Variants in LHFPL6 observed in about 807,000 individuals in gnomAD.
LHFPL6 encodes LHFPL tetraspan subfamily member 6 protein.
LHFPL6 carries 9 observed loss-of-function variants against 20.6 expected under a neutral mutation model. That is an observed-to-expected ratio of 0.44 (90% CI 0.26 to 0.76). LHFPL6 has a LOEUF of 0.76. Ranked by LOEUF, LHFPL6 falls within the 30% of genes least tolerant of loss-of-function variation. The probability of loss-of-function intolerance (pLI) is 0.20; values close to 1 mark genes in which losing one functional copy is unlikely to be tolerated. For missense variants in LHFPL6, 218 were observed against 253.5 expected (o/e 0.86, Z 0.95); for synonymous variants, 105 against 98.7 (o/e 1.06, Z -0.38).
chr13:39,404,181 C>T (rs1871059309), intron 2 of LHFPL6, among the ~76,000 whole-genome samples: 1 of 152,138 alleles, frequency 6.6e-6, no homozygotes, highest in Admixed American at 6.5e-5. Context: ...AACCTAGTAG[C>T]CAGGTGATAA....
At chr13:39,546,545 T>C (rs891666965) in intron 2 of LHFPL6, among the ~76,000 whole-genome samples, 20 of 152,142 alleles carry the variant, frequency 1.3e-4, no homozygotes, top group African/African-American at 4.8e-4. Flanking sequence ...TCAGAAACTT[T>C]AGGATAAACC....
intron 2 of LHFPL6, among the ~76,000 whole-genome samples, chr13:39,554,431 A>G (rs1172226761): frequency 1.3e-5 from 2 of 152,214 alleles, no homozygotes; most frequent in African/African-American, 4.8e-5. Context: ...CATCCCATAA[A>G]TGCAAGTCAG....
intron 2 of LHFPL6, among the ~76,000 whole-genome samples, chr13:39,513,951 C>A (rs1869813377): frequency 6.6e-6 from 1 of 152,080 alleles, no homozygotes; most frequent in Non-Finnish European, 1.5e-5. Context: ...AATTGATGAG[C>A]CCATCCTCAG....
intron 2 of LHFPL6, among the ~76,000 whole-genome samples, chr13:39,469,758 T>C (rs17060014): frequency 0.013 from 1,976 of 152,238 alleles, 40 homozygotes; most frequent in African/African-American, 0.046. Flanking sequence ...AAAGGATAAT[T>C]AGAGTAATTT....
chr13:39,385,284 T>C lies in LHFPL6; in HGVS notation c.386-6758A>G, dbSNP rs1747069. Among the ~76,000 whole-genome samples, 1,043 of 152,346 alleles carry C rather than the reference T, an allele frequency of 6.8e-3. 11 individuals are homozygous for C. The highest frequency in any genetic ancestry group is 0.024 in the African/African-American group (1,017 of 41,578). ...TGAAAAAGTTCATTTTAATAATGCA[T>C]TGACTACTACACCATTTCCTCCTGA... On this transcript the variant is annotated intron_variant, in intron 2 of 3. Transcript: ENST00000379589.
At chr13:39,556,315 C>T (rs184356843) in intron 2 of LHFPL6, among the ~76,000 whole-genome samples, 4 of 152,020 alleles carry the variant, frequency 2.6e-5, no homozygotes, top group Admixed American at 1.3e-4. Flanking sequence ...AAGAAGAAGA[C>T]AGGAAGATGA....
At chr13:39,594,661 T>C (rs186929062) in intron 2 of LHFPL6, among the ~76,000 whole-genome samples, 17 of 152,328 alleles carry the variant, frequency 1.1e-4, no homozygotes, top group African/African-American at 4.1e-4. Flanking sequence ...TAAAGACACA[T>C]GCACACATAT....
intron 2 of LHFPL6, among the ~76,000 whole-genome samples, chr13:39,392,158 C>T (rs1005040858): frequency 1.3e-5 from 2 of 151,990 alleles, no homozygotes; most frequent in South Asian, 2.1e-4. Context: ...GATATAAAAA[C>T]GTACCTTGAA....
intron 2 of LHFPL6, among the ~76,000 whole-genome samples, chr13:39,439,472 T>A (rs1281637043): frequency 1.3e-5 from 2 of 152,114 alleles, no homozygotes; most frequent in Admixed American, 1.3e-4. Flanking sequence ...GTTGAGACTT[T>A]GGGGGACTTT....
At chr13:39,344,207 T>A (rs775201112) in intron 3 of LHFPL6, among the ~76,000 whole-genome samples, 153 bp from the exon 4 acceptor site, 10 of 152,198 alleles carry the variant, frequency 6.6e-5, no homozygotes, top group Non-Finnish European at 1.3e-4. Flanking sequence ...AAAGTTATCT[T>A]GACAGTGAAG....
At chr13:39,406,659 C>T (rs1468485384) in intron 2 of LHFPL6, among the ~76,000 whole-genome samples, 3 of 152,160 alleles carry the variant, frequency 2.0e-5, no homozygotes, top group Admixed American at 1.3e-4. Context: ...ATAAAATAGT[C>T]AATTATCCAT....
At chr13:39,432,766 A>G (rs1871850388) in intron 2 of LHFPL6, among the ~76,000 whole-genome samples, 1 of 152,204 alleles carries the variant, frequency 6.6e-6, no homozygotes. Flanking sequence ...AGATATTTTT[A>G]TCAGTTTTAT....
chr13:39,423,424 T>G (rs1871548354), intron 2 of LHFPL6, among the ~76,000 whole-genome samples: 2 of 148,978 alleles, frequency 1.3e-5, no homozygotes, highest in South Asian at 4.2e-4. Flanking sequence ...AAAGGCTTCT[T>G]TTTTTTTTTA....
Position 39,393,258 on chromosome 13 carries a change from T to C in LHFPL6, c.386-14732A>G, listed in dbSNP as rs77144073. On this transcript the variant is annotated intron_variant, in intron 2 of 3. Transcript: ENST00000379589. ...GTTTCATGCACTGAGCTGGTGGGCT[T>C]TGACTCTGTGTCAAGCATGGGACTT... Among the ~76,000 whole-genome samples the C allele has an allele frequency of 4.6e-3, 703 of 152,332 alleles. 5 individuals are homozygous for C. The highest frequency in any genetic ancestry group is 0.017 in the African/African-American group (687 of 41,576).
chr13:39,586,232 G>A (rs2138544205), intron 2 of LHFPL6, among the ~76,000 whole-genome samples: 1 of 152,234 alleles, frequency 6.6e-6, no homozygotes, highest in South Asian at 2.1e-4. Context: ...AAAAAAGAGT[G>A]TCTTTTTGTG....
intron 2 of LHFPL6, among the ~76,000 whole-genome samples, chr13:39,439,806 T>G (rs1421510822): frequency 5.3e-5 from 8 of 152,114 alleles, no homozygotes. Context: ...TCACTCCCCC[T>G]TTGCCTTCCA....
intron 3 of LHFPL6, among the ~76,000 whole-genome samples, chr13:39,351,452 T>C (rs74044032): frequency 0.042 from 6,304 of 151,422 alleles, 299 homozygotes; most frequent in African/African-American, 0.12. Context: ...GCTCAGATAA[T>C]GTATAAAAAA....
At chr13:39,466,445 T>C (rs1440297696) in intron 2 of LHFPL6, among the ~76,000 whole-genome samples, 2 of 152,176 alleles carry the variant, frequency 1.3e-5, no homozygotes, top group East Asian at 3.9e-4. Context: ...TGAATATGTC[T>C]CTGTATTGAA....
chr13:39,474,550 T>C (rs745489891), intron 2 of LHFPL6, among the ~76,000 whole-genome samples: 1 of 152,232 alleles, frequency 6.6e-6, no homozygotes, highest in Non-Finnish European at 1.5e-5. Context: ...CTCACCTTTT[T>C]TCTTACCCTT....
Sources: allele counts gnomAD v4.1 joint callset (sites outside exome capture counted in the v4.1 genomes callset), GRCh38; gene constraint gnomAD v4.1.1; transcripts MANE v1.5; gene names NCBI Gene and HGNC (gene_info 2026-07-23, HGNC 2026-07-21).